The following PLD5 variants were observed in gnomAD, a reference collection of about 807,000 sequenced individuals.
PLD5 encodes inactive phospholipase D5.
PLD5 carries 36 observed loss-of-function variants against 61.1 expected under a neutral mutation model. The ratio of observed to expected loss-of-function variants is 0.59; its 90% CI spans 0.45 to 0.78. PLD5 has a LOEUF of 0.78. Ranked by LOEUF, PLD5 falls within the 30% of genes least tolerant of loss-of-function variation. PLD5 has a pLI of 0.00. For synonymous variants in PLD5, 243 were observed against 242.8 expected (o/e 1.00, Z -0.01); for missense variants, 515 against 644.4 (o/e 0.80, Z 2.17).
intron 4 of PLD5, among the ~76,000 whole-genome samples, chr1:242,227,214 TTTGA>T (rs1671006466): frequency 2.6e-5 from 4 of 152,218 alleles, no homozygotes; most frequent in African/African-American, 9.6e-5. Flanking sequence ...CCCTCACCAT[TTTGA>T]TTTTTATTTT....
At chr1:242,529,835 TCCC>T in the PLD5 span, among the ~76,000 whole-genome samples, 3 of 101,580 alleles carry the variant, frequency 3.0e-5, no homozygotes, top group African/African-American at 1.3e-4. Context: ...TCTTCTTCTC[TCCC>T]TCCCTCCTTC....
rs190135500 is a variant in PLD5, at chr1:242,371,263, T to C, written c.190-23021A>G. 3.9e-5 allele frequency among the ~76,000 whole-genome samples: 6 copies of C among 152,138 alleles called. No homozygotes were observed. In the East Asian group the frequency reaches 1.2e-3, roughly 29 times the overall value. On this transcript the variant is annotated intron_variant, in intron 1 of 9. Transcript: ENST00000536534. ...CACTGAGAGAGGCTTAGAGTTAGGG[T>C]GAGAGAGAACCTTTAAACCATCTAA...
chr1:242,114,178 C>G (rs1194868564), intron 6 of PLD5, 152 bp from the exon 7 acceptor site: 7 of 868,348 alleles, frequency 8.1e-6, no homozygotes, highest in Non-Finnish European at 1.2e-5. Flanking sequence ...TATTTTCAAT[C>G]TTATCAAAGT....
chr1:242,474,386 C>T (rs1297963769), intron 1 of PLD5, among the ~76,000 whole-genome samples: 1 of 152,076 alleles, frequency 6.6e-6, no homozygotes, highest in Non-Finnish European at 1.5e-5. Flanking sequence ...GGATTACTTC[C>T]CCTCACTATC....
chr1:242,104,273 A>C (rs1022957965), intron 8 of PLD5, among the ~76,000 whole-genome samples: 1 of 148,800 alleles, frequency 6.7e-6, no homozygotes, highest in Non-Finnish European at 1.5e-5. Context: ...ACAGATATGC[A>C]CCACCACACC....
intron 2 of PLD5, among the ~76,000 whole-genome samples, chr1:242,302,524 C>T (rs1161969010): frequency 8.7e-6 from 1 of 114,422 alleles, no homozygotes; most frequent in African/African-American, 3.4e-5. Flanking sequence ...GTAAGACCAG[C>T]CTGGTCAACA....
chr1:242,488,348 T>C (rs1668031206), intron 1 of PLD5, among the ~76,000 whole-genome samples: 1 of 152,162 alleles, frequency 6.6e-6, no homozygotes, highest in African/African-American at 2.4e-5. Context: ...AATGGATAAA[T>C]AAACTGGTAT....
intron 1 of PLD5, among the ~76,000 whole-genome samples, chr1:242,482,447 A>G (rs530320026): frequency 1.7e-4 from 26 of 152,368 alleles, no homozygotes; most frequent in African/African-American, 5.5e-4. Flanking sequence ...CAACTGGAAG[A>G]AAGGGTATCA....
intron 1 of PLD5, among the ~76,000 whole-genome samples, chr1:242,503,650 C>A (rs577708076): frequency 6.6e-6 from 1 of 152,260 alleles, no homozygotes; most frequent in African/African-American, 2.4e-5. Context: ...TTGCCAGCAA[C>A]TGGTTTAGGA....
At chr1:242,412,366 A>G (rs1374972734) in intron 1 of PLD5, among the ~76,000 whole-genome samples, 1 of 152,204 alleles carries the variant, frequency 6.6e-6, no homozygotes, top group Non-Finnish European at 1.5e-5. Context: ...AGTATGTTAC[A>G]ACCAGGATAC....
At chr1:242,090,173 A>T in intron 9 of PLD5, 63 bp from the exon 10 acceptor site, 2 of 1,572,882 alleles carry the variant, frequency 1.3e-6, no homozygotes, top group Non-Finnish European at 1.7e-6. Flanking sequence ...ACCCAATATA[A>T]TGAAATTCAG....
intron 1 of PLD5, among the ~76,000 whole-genome samples, chr1:242,360,892 A>G (rs147064047): frequency 7.9e-5 from 12 of 152,290 alleles, no homozygotes; most frequent in African/African-American, 2.9e-4. Context: ...AAGTAATGTA[A>G]TAATATTCAC....
Position 242,215,132 on chromosome 1 carries a change from C to A in PLD5, c.735+4856G>T, listed in dbSNP as rs540153011. Among the ~76,000 whole-genome samples the A allele has an allele frequency of 5.3e-4, 80 of 150,706 alleles. 1 individual carries two copies. The highest frequency in any genetic ancestry group is 1.4e-3 in the Admixed American group (21 of 14,552). ...CTTGATCTCCTGACCTTGTGATCTG[C>A]CCACCTCAGCCTCCCAAAGTGCTGG... On this transcript the variant is annotated intron_variant, in intron 5 of 9. Coordinates refer to ENST00000536534, the MANE Select transcript of PLD5 (RefSeq NM_001372062.1).
At chr1:242,358,756 T>G (rs1300123961) in intron 1 of PLD5, among the ~76,000 whole-genome samples, 2 of 152,254 alleles carry the variant, frequency 1.3e-5, no homozygotes, top group Non-Finnish European at 2.9e-5. Context: ...TATATTATAT[T>G]CCTGATTGTG....
intron 1 of PLD5, among the ~76,000 whole-genome samples, chr1:242,400,669 C>T (rs191780052): frequency 4.6e-5 from 7 of 152,274 alleles, no homozygotes; most frequent in Admixed American, 6.5e-5. Context: ...TGGCCCAGCA[C>T]GGACCTAAAT....
chr1:242,169,470 T>C (rs775850812), intron 5 of PLD5, among the ~76,000 whole-genome samples: 10 of 152,138 alleles, frequency 6.6e-5, no homozygotes, highest in Admixed American at 2.0e-4. Flanking sequence ...CTCCAGTGCC[T>C]ACCCCACAAG....
intron 5 of PLD5, among the ~76,000 whole-genome samples, chr1:242,130,330 G>A (rs1479912020): frequency 1.3e-5 from 2 of 152,194 alleles, no homozygotes; most frequent in Non-Finnish European, 2.9e-5. Context: ...GGGATTACAT[G>A]CATAAGCCAC....
intron 5 of PLD5, among the ~76,000 whole-genome samples, chr1:242,128,368 TTGTC>T (rs1001596334): frequency 1.3e-5 from 2 of 151,524 alleles, no homozygotes; most frequent in African/African-American, 4.9e-5. Flanking sequence ...TCAGAAGTAT[TTGTC>T]TGCTAATCTT....
In PLD5 at chr1:242,304,722, A is replaced by G. The variant is rs191867241; in HGVS notation, c.327-16192T>C. 6.4e-4 allele frequency among the ~76,000 whole-genome samples: 97 copies of G among 152,378 alleles called. 1 individual carries two copies. Among genetic ancestry groups the G allele is most frequent in the African/African-American group, 2.0e-3 (85 of 41,592 alleles). ...TTTCATTTTATTATTTTCTTGATAT[A>G]AAACTTCAGGAAAAACTTCAAATGG... On this transcript the variant is annotated intron_variant, in intron 2 of 9. Coordinates refer to ENST00000536534, the MANE Select transcript of PLD5 (RefSeq NM_001372062.1).
Sources: gnomAD v4.1 joint callset for allele counts (sites outside exome capture counted in the v4.1 genomes callset) on GRCh38, gnomAD v4.1.1 for gene constraint, MANE v1.5 for transcripts, NCBI Gene and HGNC (gene_info 2026-07-23, HGNC 2026-07-21) for gene names.